TENM1: variants seen among roughly 807,000 people sequenced by gnomAD.
TENM1 encodes teneurin transmembrane protein 1, also known as teneurin-1.
In TENM1, 35 loss-of-function variants were observed where a neutral mutation model predicts 174.8. The ratio of observed to expected loss-of-function variants is 0.20; its 90% confidence interval spans 0.15 to 0.27. The LOEUF is 0.27. Ranked by LOEUF, TENM1 falls within the 10% of genes least tolerant of loss-of-function variation. The pLI is 1.00. For missense variants in TENM1, 1,633 were observed against 2,130.1 expected (o/e 0.77, Z 4.59); for synonymous variants, 781 against 798.7 (o/e 0.98, Z 0.37).
intron 15 of TENM1, among the ~76,000 whole-genome samples, chrX:124,544,519 G>T (rs1270076966): frequency 2.7e-5 from 3 of 112,376 alleles, no homozygotes; most frequent in Non-Finnish European, 5.6e-5. Context: ...CAATTTACAT[G>T]TATCAAAAGG....
intron 5 of TENM1, among the ~76,000 whole-genome samples, chrX:124,681,935 T>C (rs144534050): frequency 4.6e-4 from 52 of 111,920 alleles, no homozygotes; most frequent in African/African-American, 1.7e-3. Flanking sequence ...TAGAAAGTCA[T>C]TGACTCATTG....
At chrX:124,452,166 A>G (rs2061046294) in intron 23 of TENM1, among the ~76,000 whole-genome samples, 2 of 112,710 alleles carry the variant, frequency 1.8e-5, no homozygotes, top group South Asian at 7.4e-4. Context: ...GAACTCAAAC[A>G]AATTTACAAG....
At chrX:124,419,142 G>C (rs2060623933) in intron 25 of TENM1, among the ~76,000 whole-genome samples, 1 of 112,247 alleles carries the variant, frequency 8.9e-6, no homozygotes, top group South Asian at 3.7e-4. Flanking sequence ...AACAGAGGAA[G>C]ACTTGCAACT....
At chrX:124,794,559 T>C (rs1161325830) in intron 3 of TENM1, among the ~76,000 whole-genome samples, 2 of 111,192 alleles carry the variant, frequency 1.8e-5, no homozygotes, top group East Asian at 5.7e-4. Flanking sequence ...CCGTCATCTC[T>C]CATCTGAATA....
the TENM1 span, among the ~76,000 whole-genome samples, chrX:125,048,198 C>T: frequency 9.1e-6 from 1 of 109,788 alleles, no homozygotes; most frequent in African/African-American, 3.3e-5. Flanking sequence ...TGTAATGGTT[C>T]CCCTTTGCCT....
chrX:125,181,919 C>T, the TENM1 span, among the ~76,000 whole-genome samples: 1 of 111,983 alleles, frequency 8.9e-6, no homozygotes, highest in South Asian at 3.7e-4. Context: ...CTAGAGACTA[C>T]TCCTTACATT....
chrX:125,055,330 C>T, the TENM1 span, among the ~76,000 whole-genome samples: 1 of 111,132 alleles, frequency 9.0e-6, no homozygotes, highest in Non-Finnish European at 1.9e-5. Flanking sequence ...TACAGGTTTG[C>T]TTTTTATTTA....
the TENM1 span, among the ~76,000 whole-genome samples, chrX:125,000,536 A>T: frequency 3.6e-5 from 4 of 111,864 alleles, no homozygotes; most frequent in Admixed American, 9.5e-5. Flanking sequence ...ATGAAAGGAG[A>T]CATGTTAATG....
intron 11 of TENM1, among the ~76,000 whole-genome samples, chrX:124,568,916 A>G (rs1394649602): frequency 8.9e-6 from 1 of 111,916 alleles, no homozygotes; most frequent in East Asian, 2.8e-4. Context: ...ATACATTTCT[A>G]ACATTGGCCA....
chrX:124,977,950 G>T, the TENM1 span, among the ~76,000 whole-genome samples: 142 of 52,913 alleles, frequency 2.7e-3, no homozygotes, highest in African/African-American at 0.01. Context: ...GTGTGTGTGT[G>T]TGTGTGTGTG....
chrX:124,413,846 G>A (rs752206055), intron 25 of TENM1, among the ~76,000 whole-genome samples: 4 of 112,411 alleles, frequency 3.6e-5, no homozygotes, highest in East Asian at 5.6e-4. Context: ...CATTGGAAAC[G>A]TCACATGTGT....
At chrX:124,602,688 G>A (rs1171594302) in intron 11 of TENM1, among the ~76,000 whole-genome samples, 1 of 109,824 alleles carries the variant, frequency 9.1e-6, no homozygotes, top group African/African-American at 3.3e-5. Flanking sequence ...GAGAAACTTT[G>A]CTATTTTCAC....
chrX:124,484,123 A>G, intron 21 of TENM1, among the ~76,000 whole-genome samples: 1 of 111,521 alleles, frequency 9.0e-6, no homozygotes, highest in Non-Finnish European at 1.9e-5. Context: ...GGTATTTTGC[A>G]GAATACCCTT....
At chrX:125,085,231 A>G in the TENM1 span, among the ~76,000 whole-genome samples, 166 of 111,278 alleles carry the variant, frequency 1.5e-3, 1 homozygote, top group African/African-American at 5.1e-3. Flanking sequence ...AATCATGTAT[A>G]CAAACATGGT....
chrX:124,448,973 T>C (rs768331467), intron 23 of TENM1, among the ~76,000 whole-genome samples: 2 of 111,368 alleles, frequency 1.8e-5, no homozygotes, highest in South Asian at 7.7e-4. Context: ...TAGAGGGTGA[T>C]AATCTGGACA....
intron 18 of TENM1, among the ~76,000 whole-genome samples, chrX:124,513,242 C>T (rs774800612): frequency 1.1e-4 from 12 of 111,295 alleles, no homozygotes; most frequent in African/African-American, 1.6e-4. Flanking sequence ...GGTGCTTGCA[C>T]GCCTTAGTTT....
intron 3 of TENM1, among the ~76,000 whole-genome samples, chrX:124,831,405 G>A (rs1353801461): frequency 9.0e-6 from 1 of 111,686 alleles, no homozygotes; most frequent in Admixed American, 9.6e-5. Context: ...ATTTGGAAGC[G>A]GCTTCTTTTT....
At chrX:124,604,591 G>C (rs1419443231) in intron 11 of TENM1, among the ~76,000 whole-genome samples, 1 of 111,229 alleles carries the variant, frequency 9.0e-6, no homozygotes, top group African/African-American at 3.3e-5. Flanking sequence ...CTACTTATTA[G>C]CCATGTGAAC....
chrX:124,548,288 T>C (rs982906419), intron 14 of TENM1, among the ~76,000 whole-genome samples: 4 of 111,461 alleles, frequency 3.6e-5, no homozygotes, highest in African/African-American at 9.8e-5. Context: ...AGAGAAATGA[T>C]ATAGGGAACA....
Sources: allele counts gnomAD v4.1 joint callset (sites outside exome capture counted in the v4.1 genomes callset), GRCh38; gene constraint gnomAD v4.1.1; transcripts MANE v1.5; gene names NCBI Gene and HGNC (gene_info 2026-07-23, HGNC 2026-07-21).